The following TRPM7 variants were observed in gnomAD, a reference collection of about 807,000 sequenced individuals.
The protein encoded by TRPM7 is LTRPC ion channel family member 7.
Under a neutral mutation model 229.7 loss-of-function variants are expected in TRPM7, and 134 were observed. The observed-to-expected ratio is 0.58, with a 90% CI of 0.51 to 0.67. TRPM7 has a LOEUF of 0.67. TRPM7 is among the 30% of genes least tolerant of loss of function. The probability of loss-of-function intolerance (pLI) is 0.00; values close to 1 mark genes in which losing one functional copy is unlikely to be tolerated. For missense variants in TRPM7, 1,901 were observed against 2,210.0 expected (o/e 0.86, Z 2.80); for synonymous variants, 699 against 715.2 (o/e 0.98, Z 0.36).
At chr15:50,641,076 T>A (rs1185605229) in intron 5 of TRPM7, among the ~76,000 whole-genome samples, 1 of 152,218 alleles carries the variant, frequency 6.6e-6, no homozygotes, top group African/African-American at 2.4e-5. Flanking sequence ...ACCCAAATTA[T>A]GAAAATAGCA....
intron 1 of TRPM7, among the ~76,000 whole-genome samples, chr15:50,671,231 C>T (rs1474801976): frequency 1.3e-5 from 2 of 152,080 alleles, no homozygotes; most frequent in African/African-American, 4.8e-5. Context: ...TGATAACCAC[C>T]ATTCTACTCT....
intron 1 of TRPM7, among the ~76,000 whole-genome samples, chr15:50,682,256 T>C (rs12595562): frequency 0.18 from 26,570 of 148,844 alleles, 3,099 homozygotes; most frequent in East Asian, 0.46. Context: ...AAAAAACTGC[T>C]TACCTCCACA....
At chr15:50,634,320 G>T in intron 8 of TRPM7, 62 bp downstream of exon 8, 1 of 1,253,756 alleles carries the variant, frequency 8.0e-7, no homozygotes, top group Non-Finnish European at 1.0e-6. Flanking sequence ...GCAAGACTCC[G>T]TATCAAAAAT....
At chr15:50,644,483 CT>C (rs1318366280) in intron 4 of TRPM7, among the ~76,000 whole-genome samples, 7 of 152,122 alleles carry the variant, frequency 4.6e-5, no homozygotes, top group African/African-American at 1.7e-4. Flanking sequence ...TCAAACACTA[CT>C]GAAAATCTCA....
intron 20 of TRPM7, among the ~76,000 whole-genome samples, chr15:50,606,724 C>T (rs1227859408): frequency 6.6e-6 from 1 of 152,108 alleles, no homozygotes; most frequent in Non-Finnish European, 1.5e-5. Flanking sequence ...GTCTTGAACT[C>T]CTGACCTCGA....
chr15:50,681,293 A>ACACACACACACACACACACACACACAC (rs1555436714), intron 1 of TRPM7, among the ~76,000 whole-genome samples: 1 of 151,604 alleles, frequency 6.6e-6, no homozygotes, highest in Non-Finnish European at 1.5e-5. Context: ...ACACACACAC[A>ACACACACACACACACACACACACACAC]AAGCATTCAG....
At chr15:50,589,542 A>G (rs1045802130) in intron 27 of TRPM7, 50 bp downstream of exon 27, 2 of 1,276,370 alleles carry the variant, frequency 1.6e-6, no homozygotes, top group African/African-American at 3.0e-5. Flanking sequence ...CTAAACATCA[A>G]GACAGTAAAA....
chr15:50,571,566 GA>G (rs955648019), intron 36 of TRPM7, among the ~76,000 whole-genome samples: 13 of 120,040 alleles, frequency 1.1e-4, no homozygotes, highest in Admixed American at 3.8e-4. Context: ...TCGTTAGGCA[GA>G]AAAAAAAAGT....
rs901228255 is a variant in TRPM7, at chr15:50,558,183, T to C, written c.*3495A>G. 1 of 152,048 alleles carries C rather than the reference T, an allele frequency of 6.6e-6. No individual in the cohort carries two copies. Among genetic ancestry groups the C allele is most frequent in the Non-Finnish European group, 1.5e-5 (1 of 68,018 alleles). The allele number at this position is 152,048 out of a possible 1,614,324, so 9.4% of individuals were successfully genotyped here. ...ATGGAGTAGGTGTGTTTCAGTAAAG[T>C]AACAGGAAATGGTACAGAAACCACC... On this transcript the variant is annotated 3_prime_UTR_variant, in exon 39 of 39. Coordinates refer to ENST00000646667, the MANE Select transcript of TRPM7 (RefSeq NM_017672.6).
intron 30 of TRPM7, among the ~76,000 whole-genome samples, chr15:50,579,804 A>T (rs961621669): frequency 1.3e-5 from 2 of 152,064 alleles, no homozygotes; most frequent in Non-Finnish European, 2.9e-5. Context: ...TTTAAAAAAA[A>T]TTATTTGTTT....
At chr15:50,621,549 T>C (rs758431197) in intron 12 of TRPM7, among the ~76,000 whole-genome samples, 8 of 152,318 alleles carry the variant, frequency 5.3e-5, no homozygotes, top group East Asian at 1.9e-4. Flanking sequence ...CATATTAAAA[T>C]TGTATTATTT....
chr15:50,594,504 T>C lies in TRPM7; in HGVS notation c.3400A>G (p.Ile1134Val), dbSNP rs1249571235. 3 of 1,613,392 alleles carry C rather than the reference T, an allele frequency of 1.9e-6. No homozygotes were observed. In the Admixed American group the frequency reaches 5.0e-5, roughly 27 times the overall value. ...AACAGAGAAACTATATGGCTAAGAA[T>C]GATAAGTGGAGGAGGCAGAACTGGT... is the stretch of plus-strand genomic sequence containing the variant. ...EKPVLPPPLI[I>V]LSHIVSLFCC... Residue 1134 changes from isoleucine (I) to valine (V), a missense_variant, in exon 24 of 39, where the codon ATT becomes GTT. This residue lies in a region of TRPM7 where 533 missense variants were observed against 497.1 expected (regional missense o/e 1.07). Coordinates refer to ENST00000646667, the MANE Select transcript of TRPM7 (RefSeq NM_017672.6).
At chr15:50,675,672 T>G (rs2062077511) in intron 1 of TRPM7, among the ~76,000 whole-genome samples, 1 of 152,248 alleles carries the variant, frequency 6.6e-6, no homozygotes, top group South Asian at 2.1e-4. Flanking sequence ...ATAAAAATCC[T>G]AGTTTTATAC....
chr15:50,614,251 G>C lies in TRPM7; in HGVS notation c.1507C>G (p.Pro503Ala), dbSNP rs747836168. Residue 503 changes from proline (P) to alanine (A), a missense_variant, in exon 14 of 39, where the codon CCA becomes GCA. Transcript: ENST00000646667. ...TCAATCAGAGTGATCTTATATCCTGGAGGAAGATTTCCCTAGAAACAAAAC... is the reference window on the plus strand; with the variant it reads ...TCAATCAGAGTGATCTTATATCCTGCAGGAAGATTTCCCTAGAAACAAAAC... The part of the protein sequence containing the change: ...VRDVKQGNLP[P>A]GYKITLIDIG... 1 of 1,597,230 alleles carries C rather than the reference G, an allele frequency of 6.3e-7. No individual in the cohort carries two copies. The highest frequency in any genetic ancestry group is 1.9e-5 in the Admixed American group (1 of 54,034).
chr15:50,623,497 C>A (rs1016132675), intron 12 of TRPM7, among the ~76,000 whole-genome samples: 4 of 148,688 alleles, frequency 2.7e-5, no homozygotes, highest in Non-Finnish European at 6.0e-5. Context: ...GCCCCCTCCC[C>A]GCCCCGCCCT....
intron 4 of TRPM7, among the ~76,000 whole-genome samples, chr15:50,647,294 C>T (rs2061297899): frequency 6.6e-6 from 1 of 152,120 alleles, no homozygotes; most frequent in African/African-American, 2.4e-5. Flanking sequence ...CCACGCCCGA[C>T]TAATTTTTGT....
chr15:50,586,737 G>C (rs1364439680), intron 27 of TRPM7, among the ~76,000 whole-genome samples: 2 of 152,132 alleles, frequency 1.3e-5, no homozygotes, highest in African/African-American at 2.4e-5. Flanking sequence ...TAAAAACTCA[G>C]ACTGGGCATG....
At chr15:50,589,282 A>C (rs1217170343) in intron 27 of TRPM7, among the ~76,000 whole-genome samples, 1 of 140,606 alleles carries the variant, frequency 7.1e-6, no homozygotes, top group African/African-American at 2.6e-5. Flanking sequence ...AGATCACACC[A>C]CTGTACTCCA....
intron 1 of TRPM7, among the ~76,000 whole-genome samples, chr15:50,665,376 A>G (rs1318605269): frequency 6.7e-6 from 1 of 149,350 alleles, no homozygotes; most frequent in Non-Finnish European, 1.5e-5. Flanking sequence ...CCTGGGTGAA[A>G]AGAGTAAAAC....
Sources: gnomAD v4.1 joint callset for allele counts (sites outside exome capture counted in the v4.1 genomes callset) on GRCh38, gnomAD v4.1.1 for gene constraint, gnomAD v4.1.1 regional missense constraint, MANE v1.5 for transcripts, NCBI Gene and HGNC (gene_info 2026-07-23, HGNC 2026-07-21) for gene names.